The following ELOVL5 variants were observed in gnomAD, a reference collection of about 807,000 sequenced individuals.
ELOVL5 encodes ELOVL fatty acid elongase 5, also known as very long chain fatty acid elongase 5.
In ELOVL5, 8 loss-of-function variants were observed where a neutral mutation model predicts 38.6. That is an observed-to-expected ratio of 0.21 (90% CI 0.12 to 0.37). The LOEUF is 0.37. ELOVL5 is among the 10% of genes least tolerant of loss of function. The probability of loss-of-function intolerance (pLI) is 1.00; values close to 1 mark genes in which losing one functional copy is unlikely to be tolerated. For missense variants in ELOVL5, 280 were observed against 367.8 expected (o/e 0.76, Z 1.95); for synonymous variants, 127 against 133.7 (o/e 0.95, Z 0.34).
intron 1 of ELOVL5, among the ~76,000 whole-genome samples, chr6:53,316,043 T>C (rs535327531): frequency 9.2e-5 from 14 of 152,342 alleles, no homozygotes; most frequent in African/African-American, 3.4e-4. Flanking sequence ...ATAATGCTTA[T>C]ACCTCATGGA....
intron 3 of ELOVL5, among the ~76,000 whole-genome samples, chr6:53,282,390 G>A (rs1036906658): frequency 3.3e-5 from 5 of 152,224 alleles, no homozygotes; most frequent in Admixed American, 2.6e-4. Flanking sequence ...TTAGAGGAGT[G>A]AGGCCTGGCT....
intron 1 of ELOVL5, among the ~76,000 whole-genome samples, chr6:53,310,962 G>T (rs1250222235): frequency 6.6e-6 from 1 of 152,084 alleles, no homozygotes; most frequent in African/African-American, 2.4e-5. Context: ...CAGCTTAAAG[G>T]ATTCTGCAAA....
intron 3 of ELOVL5, among the ~76,000 whole-genome samples, chr6:53,286,320 G>C (rs1301970578): frequency 1.3e-5 from 2 of 152,132 alleles, no homozygotes; most frequent in Non-Finnish European, 1.5e-5. Context: ...CTAGCACTTT[G>C]GGAGGCTGAT....
intron 1 of ELOVL5, among the ~76,000 whole-genome samples, chr6:53,317,610 T>C (rs991524925): frequency 6.7e-6 from 1 of 150,298 alleles, no homozygotes; most frequent in East Asian, 2.0e-4. Flanking sequence ...CACATGGACA[T>C]AGGAAGGGGA....
chr6:53,308,086 C>G (rs1767670858), intron 1 of ELOVL5, among the ~76,000 whole-genome samples: 1 of 151,174 alleles, frequency 6.6e-6, no homozygotes, highest in Non-Finnish European at 1.5e-5. Context: ...AGATACAGAA[C>G]TATGTAGTTT....
chr6:53,317,232 AGCTTTCC>A (rs1768086065), intron 1 of ELOVL5, among the ~76,000 whole-genome samples: 1 of 152,204 alleles, frequency 6.6e-6, no homozygotes, highest in African/African-American at 2.4e-5. Context: ...CTTATAAGGA[AGCTTTCC>A]AAAGTGATTT....
intron 2 of ELOVL5, among the ~76,000 whole-genome samples, chr6:53,293,318 CATTT>C (rs1217616153): frequency 1.3e-5 from 2 of 151,930 alleles, no homozygotes; most frequent in South Asian, 2.1e-4. Flanking sequence ...TTTTATTATT[CATTT>C]ATTTATTTAT....
chr6:53,336,601 G>A (rs1331852355), intron 1 of ELOVL5, among the ~76,000 whole-genome samples: 1 of 152,198 alleles, frequency 6.6e-6, no homozygotes, highest in Non-Finnish European at 1.5e-5. Context: ...ATTTGAGGCT[G>A]CAATGAGCTG....
In ELOVL5 at chr6:53,339,899, T is replaced by C. The variant is rs150079486; in HGVS notation, c.-9+8918A>G. 2.8e-3 allele frequency among the ~76,000 whole-genome samples: 420 copies of C among 152,312 alleles called. 2 individuals carry two copies. Among genetic ancestry groups the C allele is most frequent in the African/African-American group, 9.0e-3 (376 of 41,564 alleles). On this transcript the variant is annotated intron_variant, in intron 1 of 7. Coordinates refer to ENST00000304434, the MANE Select transcript of ELOVL5 (RefSeq NM_021814.5). ...ATTCCAGAAGAAGGCATTGTTGTCATAGGAAATGACAGCTCATGTGTGTTA... is the reference window on the plus strand; with the variant it reads ...ATTCCAGAAGAAGGCATTGTTGTCACAGGAAATGACAGCTCATGTGTGTTA...
chr6:53,282,203 T>C (rs1330699601), intron 3 of ELOVL5, among the ~76,000 whole-genome samples: 1 of 152,236 alleles, frequency 6.6e-6, no homozygotes, highest in Admixed American at 6.5e-5. Context: ...AGGGCTAAGG[T>C]GGTGCTGGAT....
At chr6:53,319,341 G>A (rs920860693) in intron 1 of ELOVL5, among the ~76,000 whole-genome samples, 3 of 140,840 alleles carry the variant, frequency 2.1e-5, no homozygotes, top group African/African-American at 7.9e-5. Context: ...GGAAATATCC[G>A]ATCTGCATTT....
At chr6:53,311,859 G>A (rs1196660470) in intron 1 of ELOVL5, among the ~76,000 whole-genome samples, 1 of 152,130 alleles carries the variant, frequency 6.6e-6, no homozygotes, top group Non-Finnish European at 1.5e-5. Context: ...TCTTTCTAAG[G>A]TAATGACAAT....
intron 1 of ELOVL5, among the ~76,000 whole-genome samples, chr6:53,321,689 T>G (rs1487479381): frequency 1.3e-5 from 2 of 152,176 alleles, no homozygotes; most frequent in Non-Finnish European, 2.9e-5. Context: ...AAGAAAAAAA[T>G]TCTTCATTAA....
intron 1 of ELOVL5, among the ~76,000 whole-genome samples, chr6:53,312,794 T>A (rs765583236): frequency 2.6e-5 from 4 of 152,252 alleles, no homozygotes; most frequent in Non-Finnish European, 5.9e-5. Context: ...TTTGATTTTT[T>A]AAAAATTCAA....
chr6:53,285,857 C>T (rs540197703), intron 3 of ELOVL5, among the ~76,000 whole-genome samples: 4 of 152,290 alleles, frequency 2.6e-5, no homozygotes, highest in South Asian at 2.1e-4. Context: ...TCTCCCACCT[C>T]GGCCTCTCAA....
intron 3 of ELOVL5, among the ~76,000 whole-genome samples, chr6:53,288,780 T>C (rs1354165154): frequency 6.6e-6 from 1 of 152,214 alleles, no homozygotes; most frequent in Non-Finnish European, 1.5e-5. Flanking sequence ...GACTTCTTCC[T>C]ATTGGCCAGA....
intron 6 of ELOVL5, among the ~76,000 whole-genome samples, chr6:53,272,452 GA>G (rs1765961289): frequency 6.6e-6 from 1 of 152,114 alleles, no homozygotes; most frequent in Non-Finnish European, 1.5e-5. Context: ...ACAATAATAT[GA>G]AATCAGGCTA....
At chr6:53,323,713 G>C (rs1451854221) in intron 1 of ELOVL5, among the ~76,000 whole-genome samples, 6 of 150,486 alleles carry the variant, frequency 4.0e-5, no homozygotes, top group African/African-American at 1.5e-4. Context: ...CTCCCGAGTA[G>C]CTGGGATTAC....
At chr6:53,345,355 C>G (rs1769493463) in intron 1 of ELOVL5, among the ~76,000 whole-genome samples, 1 of 152,190 alleles carries the variant, frequency 6.6e-6, no homozygotes, top group Non-Finnish European at 1.5e-5. Context: ...GCACCAAAAG[C>G]ATCCTGACCA....
Sources: gnomAD v4.1 joint callset for allele counts (sites outside exome capture counted in the v4.1 genomes callset) on GRCh38, gnomAD v4.1.1 for gene constraint, MANE v1.5 for transcripts, NCBI Gene and HGNC (gene_info 2026-07-23, HGNC 2026-07-21) for gene names.